The following UQCC1 variants were observed in gnomAD, a reference collection of about 807,000 sequenced individuals.
UQCC1 encodes ubiquinol-cytochrome c reductase complex assembly factor 1, also known as bFGF-repressed Zic-binding protein.
Under a neutral mutation model 48.0 loss-of-function variants are expected in UQCC1, and 38 were observed. The observed-to-expected ratio is 0.79, with a 90% CI of 0.61 to 1.04. The LOEUF (loss-of-function observed/expected upper bound fraction) is 1.04, where lower values mean the gene tolerates loss of function less well. Ranked by LOEUF, UQCC1 falls within the 50% of genes least tolerant of loss-of-function variation. The pLI, the probability that UQCC1 is intolerant of heterozygous loss-of-function variation, is 0.00. For missense variants in UQCC1, 368 were observed against 381.8 expected, an observed-to-expected ratio of 0.96 and a Z score of 0.30; for synonymous variants, 111 against 129.2, an observed-to-expected ratio of 0.86 and a Z score of 0.95.
chr20:35,405,394 G>C (rs1414978169), intron 1 of UQCC1, among the ~76,000 whole-genome samples: 1 of 152,000 alleles, frequency 6.6e-6, no homozygotes, highest in Non-Finnish European at 1.5e-5. Context: ...TTTCCGGAGT[G>C]GCCACATTAT....
chr20:35,368,808 G>A (rs1336740420), intron 5 of UQCC1, among the ~76,000 whole-genome samples: 3 of 152,086 alleles, frequency 2.0e-5, no homozygotes, highest in Admixed American at 6.5e-5. Flanking sequence ...CTGTCAAGTC[G>A]ACTTCCTCTC....
At chr20:35,356,216 A>G (rs1568678390) in intron 6 of UQCC1, among the ~76,000 whole-genome samples, 1 of 152,206 alleles carries the variant, frequency 6.6e-6, no homozygotes, top group Non-Finnish European at 1.5e-5. Context: ...AGACATTAAG[A>G]AAAAATTACA....
rs1600930767 is a variant in UQCC1, at chr20:35,354,360, G to A, written c.465-7088C>T. Among the ~76,000 whole-genome samples, 4 of 151,720 alleles carry A rather than the reference G, an allele frequency of 2.6e-5. 1 individual carries two copies. Among genetic ancestry groups the A allele is most frequent in the Admixed American group, 2.6e-4 (4 of 15,222 alleles). On this transcript the variant is annotated intron_variant, in intron 6 of 9. Transcript: ENST00000374385. Reference sequence around the variant, plus strand: ...CTGATACTAACAGTTTAGAAGACATGGATTGACACCTGAAAATAAAAGGAG... The same window carrying A: ...CTGATACTAACAGTTTAGAAGACATAGATTGACACCTGAAAATAAAAGGAG...
At chr20:35,397,290 C>T (rs1182257506) in intron 1 of UQCC1, among the ~76,000 whole-genome samples, 3 of 151,396 alleles carry the variant, frequency 2.0e-5, no homozygotes, top group Admixed American at 1.3e-4. Context: ...CCGAGGCTGG[C>T]GGATCACGAG....
At chr20:35,347,054 C>G (rs777552137) in intron 7 of UQCC1, 110 bp downstream of exon 7, 8 of 1,610,752 alleles carry the variant, frequency 5.0e-6, no homozygotes, top group Non-Finnish European at 5.1e-6. Flanking sequence ...TGATATTAGG[C>G]AGCATTTCAC....
At chr20:35,323,972 T>C (rs2061161190) in intron 7 of UQCC1, among the ~76,000 whole-genome samples, 1 of 152,220 alleles carries the variant, frequency 6.6e-6, no homozygotes. Flanking sequence ...GGATCACCCT[T>C]GGCAGGGCAC....
At chr20:35,369,761 T>C (rs1405505815) in intron 5 of UQCC1, among the ~76,000 whole-genome samples, 1 of 152,236 alleles carries the variant, frequency 6.6e-6, no homozygotes, top group East Asian at 1.9e-4. Context: ...TCAATAAATA[T>C]TCACTATTGT....
chr20:35,407,891 G>A (rs1452107356), intron 1 of UQCC1, among the ~76,000 whole-genome samples: 5 of 152,160 alleles, frequency 3.3e-5, no homozygotes, highest in African/African-American at 1.2e-4. Context: ...GTGTGGTGGT[G>A]CAGGTCTCTA....
intron 2 of UQCC1, chr20:35,384,618 G>T: frequency 2.2e-6 from 1 of 450,130 alleles, no homozygotes; most frequent in Non-Finnish European, 4.4e-6. Flanking sequence ...CTTCAACCTG[G>T]GCGACTCAGC....
At chr20:35,389,181 G>C (rs1390523551) in intron 2 of UQCC1, among the ~76,000 whole-genome samples, 1 of 152,194 alleles carries the variant, frequency 6.6e-6, no homozygotes, top group African/African-American at 2.4e-5. Flanking sequence ...TGTGGTGCCA[G>C]CAATTAAGAG....
At chr20:35,379,365 G>A (rs554649265) in intron 4 of UQCC1, among the ~76,000 whole-genome samples, 1 of 152,308 alleles carries the variant, frequency 6.6e-6, no homozygotes, top group East Asian at 1.9e-4. Context: ...AATTTTGCCA[G>A]TGCAATCCAA....
At chr20:35,403,315 A>G (rs1279255809) in intron 1 of UQCC1, among the ~76,000 whole-genome samples, 2 of 152,182 alleles carry the variant, frequency 1.3e-5, no homozygotes, top group African/African-American at 2.4e-5. Flanking sequence ...ATATATAAAG[A>G]AAAAGATATA....
chr20:35,343,975 C>A (rs1302070240), intron 7 of UQCC1: 2 of 152,174 alleles, frequency 1.3e-5, no homozygotes, highest in South Asian at 4.1e-4. Flanking sequence ...ATAGAAAAAA[C>A]GGCTGGATAA....
intron 7 of UQCC1, chr20:35,345,182 T>G (rs1437487428): frequency 6.6e-6 from 1 of 152,230 alleles, no homozygotes; most frequent in Non-Finnish European, 1.5e-5. Flanking sequence ...TGTGAGCCGC[T>G]CCAGCAAATT....
intron 6 of UQCC1, among the ~76,000 whole-genome samples, chr20:35,348,820 A>G (rs779215029): frequency 1.3e-5 from 2 of 152,014 alleles, no homozygotes; most frequent in Non-Finnish European, 2.9e-5. Context: ...CGCCCAGCTA[A>G]TTTTTTATTT....
At position 35,382,093 on chromosome 20, in the gene UQCC1, C is replaced by T. The variant is rs1013386101; in HGVS notation, c.226-68G>A. 10 of 990,936 alleles carry T rather than the reference C, an allele frequency of 1.0e-5. No homozygotes were observed. The South Asian group carries it at 1.3e-4, about 13-fold the overall frequency. 61.4% of individuals were successfully genotyped at this position (990,936 alleles called of 1,614,324 possible). A position where few individuals can be genotyped will look rare whatever the true frequency, so the allele number is the denominator to read the frequency against. ...ATTTTTAATAGAATGCTTTGTTCCT[C>T]ATCAGGTCTGAGAGCATTTTTTTTT... On this transcript the variant is annotated intron_variant, in intron 3 of 9. Transcript: ENST00000374385.
At chr20:35,373,587 GAA>G (rs1416886641) in intron 5 of UQCC1, among the ~76,000 whole-genome samples, 1 of 150,288 alleles carries the variant, frequency 6.7e-6, no homozygotes, top group African/African-American at 2.5e-5. Flanking sequence ...GCCGAGGCAG[GAA>G]AATTGCTTGA....
Position 35,411,937 on chromosome 20 carries a change from C to CA in UQCC1, c.24+2dup, listed in dbSNP as rs1260177359. 6.2e-7 allele frequency: 1 copy of CA among 1,614,128 alleles called. No individual in the cohort carries two copies. Among genetic ancestry groups the CA allele is most frequent in the Non-Finnish European group, 8.5e-7 (1 of 1,180,058 alleles). On this transcript the variant is annotated splice_region_variant and intron_variant, in intron 1 of 9. Coordinates refer to ENST00000374385, the MANE Select transcript of UQCC1 (RefSeq NM_018244.5). ...TACCGTAGAAAATTACTCCTTCACTCACAAGGACTCGCACCAGCAACGCCA... is the reference window on the plus strand; with the variant it reads ...TACCGTAGAAAATTACTCCTTCACTCAACAAGGACTCGCACCAGCAACGCCA...
intron 2 of UQCC1, chr20:35,384,551 A>C (rs2061914282): frequency 2.4e-6 from 1 of 419,388 alleles, no homozygotes; most frequent in Non-Finnish European, 4.7e-6. Context: ...CTGAGGTGGG[A>C]GGATCACTTG....
Sources: gnomAD v4.1 joint callset for allele counts (sites outside exome capture counted in the v4.1 genomes callset) on GRCh38, gnomAD v4.1.1 for gene constraint, MANE v1.5 for transcripts, NCBI Gene and HGNC (gene_info 2026-07-23, HGNC 2026-07-21) for gene names.